ZNF19: variants seen among roughly 807,000 people sequenced by gnomAD.
ZNF19 encodes the protein zinc finger protein 19, also known as zinc finger protein 19 (KOX 12).
Under a neutral mutation model 13.1 loss-of-function variants are expected in ZNF19, and 11 were observed. That is an observed-to-expected ratio of 0.84 (90% CI 0.53 to 1.39). The LOEUF (loss-of-function observed/expected upper bound fraction) is 1.39. Among genes scored for constraint, ZNF19 ranks in the 40% most tolerant of loss-of-function variants. The probability of loss-of-function intolerance (pLI) is 0.00; values close to 1 mark genes in which losing one functional copy is unlikely to be tolerated. For synonymous variants in ZNF19, 186 were observed against 187.0 expected (o/e 0.99, Z 0.04); for missense variants, 560 against 547.0 (o/e 1.02, Z -0.24).
chr16:71,484,023 C>G (rs1020957632), intron 2 of ZNF19, among the ~76,000 whole-genome samples: 4 of 152,248 alleles, frequency 2.6e-5, no homozygotes, highest in Non-Finnish European at 4.4e-5. Flanking sequence ...GGATCAAGAA[C>G]ACTGTAGTAG....
At position 71,475,343 on chromosome 16, in the gene ZNF19, G is replaced by C; in HGVS notation, c.1204C>G (p.Gln402Glu). The change falls in exon 6 of 6, where the codon CAG becomes GAG. Residue 402 changes from glutamine to glutamate, a missense_variant. Gln to Glu is a conservative substitution (Grantham distance 29). Coordinates refer to ENST00000288177, the MANE Select transcript of ZNF19 (RefSeq NM_006961.4). ...TCTCCAGTATGGATTCTTTGATGCT[G>C]ATGAAGATTTCTTTTGCTAGTCAAG... The part of the protein sequence containing the change: ...KALTSKRNLH[Q>E]HQRIHTGEKP... 1 of 1,614,034 alleles carries C rather than the reference G, an allele frequency of 6.2e-7. No homozygotes were observed. The highest frequency in any genetic ancestry group is 8.5e-7 in the Non-Finnish European group (1 of 1,180,006).
intron 2 of ZNF19, among the ~76,000 whole-genome samples, chr16:71,482,863 G>A (rs2043646409): frequency 6.6e-6 from 1 of 152,152 alleles, no homozygotes; most frequent in Non-Finnish European, 1.5e-5. Flanking sequence ...CACCACACCT[G>A]GCTCATTTTT....
At chr16:71,477,592 C>A (rs1402594185) in intron 5 of ZNF19, among the ~76,000 whole-genome samples, 1 of 152,030 alleles carries the variant, frequency 6.6e-6, no homozygotes, top group Non-Finnish European at 1.5e-5. Context: ...TCGTTTCAAC[C>A]CAGCTGTGTT....
At chr16:71,481,016 G>A (rs1001914480) in intron 3 of ZNF19, among the ~76,000 whole-genome samples, 1 of 152,214 alleles carries the variant, frequency 6.6e-6, no homozygotes, top group South Asian at 2.1e-4. Context: ...TCCAGAGAAG[G>A]AACAACAAAC....
At position 71,475,550 on chromosome 16, in the gene ZNF19, C is replaced by T; in HGVS notation, c.997G>A (p.Val333Ile). Residue 333 changes from valine (V) to isoleucine (I), a missense_variant, in exon 6 of 6, where the codon GTA becomes ATA. By Grantham distance (29) the Val-to-Ile change is conservative (BLOSUM62 3). Transcript: ENST00000288177. ...TGAAAATTGAAGGCTTGTCCACATA[C>T]TTTACAAGAATAAGGCTTTTCCCCT... Reference protein sequence around the residue: ...HTGEKPYSCKVCGQAFNFHTK... With the variant: ...HTGEKPYSCKICGQAFNFHTK... 2 of 1,614,098 alleles carry T rather than the reference C, an allele frequency of 1.2e-6. No homozygotes were observed. The highest frequency in any genetic ancestry group is 2.2e-5 in the South Asian group (2 of 91,080).
rs1365710347 is a variant in ZNF19, at chr16:71,474,792, G to C, written c.*378C>G. On this transcript the variant is annotated 3_prime_UTR_variant, in exon 6 of 6. Transcript: ENST00000288177. ...CAAACAAAAATGGAATTTATTGGCT[G>C]CTGCAATTCAAAAACCCGTATATAT... 5.8e-6 allele frequency: 1 copy of C among 171,352 alleles called. No individual in the cohort carries two copies. The highest frequency in any genetic ancestry group is 1.7e-4 in the East Asian group (1 of 6,000). The allele number at this position is 171,352 out of a possible 1,614,324, so 10.6% of individuals were successfully genotyped here. A position where few individuals can be genotyped will look rare whatever the true frequency, so the allele number is the denominator to read the frequency against.
chr16:71,475,369 G>T lies in ZNF19; in HGVS notation c.1178C>A (p.Ala393Asp). ...ATGAAGATTTCTTTTGCTAGTCAAG[G>T]CTTTTCCACACTCATCACATACATA... is the stretch of plus-strand genomic sequence containing the variant. Reference protein sequence around the residue: ...SSYVCDECGKALTSKRNLHQH... With the variant: ...SSYVCDECGKDLTSKRNLHQH... Residue 393 changes from alanine to aspartate, a missense_variant, in exon 6 of 6, where the codon GCC (alanine) becomes GAC (aspartate). Physicochemically the swap from Ala to Asp is moderately radical, Grantham distance 126. Coordinates refer to ENST00000288177, the MANE Select transcript of ZNF19 (RefSeq NM_006961.4). 6.2e-7 allele frequency: 1 copy of T among 1,613,980 alleles called. No individual in the cohort carries two copies. The highest frequency in any genetic ancestry group is 8.5e-7 in the Non-Finnish European group (1 of 1,180,002).
intron 1 of ZNF19, among the ~76,000 whole-genome samples, chr16:71,485,395 A>C (rs1349647492): frequency 6.6e-6 from 1 of 151,088 alleles, no homozygotes; most frequent in African/African-American, 2.4e-5. Flanking sequence ...GGTTGCAGTG[A>C]GCCGAGATTG....
At chr16:71,479,663 TTGC>T (rs146433097) in intron 3 of ZNF19, among the ~76,000 whole-genome samples, 1 of 152,330 alleles carries the variant, frequency 6.6e-6, no homozygotes, top group East Asian at 1.9e-4. Context: ...TAGAATTAAA[TTGC>T]TGCTGCTGGG....
rs536949788 is a variant in ZNF19 at position 71,485,466 on chromosome 16, C to A, written c.-189-718G>T. The stretch of plus-strand genomic sequence containing the variant: ...ACTCCATCTCAAAAAAAAAAAAAAC[C>A]AAAAAAACAAAAAAAAACAAAAAGA... On this transcript the variant is annotated intron_variant, in intron 1 of 5. Coordinates refer to ENST00000288177, the MANE Select transcript of ZNF19 (RefSeq NM_006961.4). 1.5e-3 allele frequency among the ~76,000 whole-genome samples: 204 copies of A among 136,224 alleles called. 3 individuals carry two copies. The South Asian group carries it at 0.038, about 25-fold the overall frequency. 89.4% of individuals were successfully genotyped at this position (136,224 alleles called of 152,430 possible).
At chr16:71,476,970 G>A (rs972917632) in intron 5 of ZNF19, among the ~76,000 whole-genome samples, 4 of 152,170 alleles carry the variant, frequency 2.6e-5, no homozygotes, top group African/African-American at 9.7e-5. Flanking sequence ...GAAAAGGGAT[G>A]AACAGTTTAC....
intron 1 of ZNF19, among the ~76,000 whole-genome samples, chr16:71,488,020 A>G (rs1211139257): frequency 6.6e-6 from 1 of 152,200 alleles, no homozygotes; most frequent in Non-Finnish European, 1.5e-5. Flanking sequence ...CTACTATTTA[A>G]CATCATATTG....
chr16:71,474,645 C>A lies in ZNF19; in HGVS notation c.*525G>T, dbSNP rs2043587490. ...CATATATCATACACACAAAACATTTCTCCATCAGGTATGTTATCCCTGAAA... is the reference window on the plus strand; with the variant it reads ...CATATATCATACACACAAAACATTTATCCATCAGGTATGTTATCCCTGAAA... On this transcript the variant is annotated 3_prime_UTR_variant, in exon 6 of 6. Coordinates refer to ENST00000288177, the MANE Select transcript of ZNF19 (RefSeq NM_006961.4). 6.4e-6 allele frequency: 1 copy of A among 156,844 alleles called. No homozygotes were observed. Among genetic ancestry groups the A allele is most frequent in the Admixed American group, 6.2e-5 (1 of 16,196 alleles). 9.7% of individuals were successfully genotyped at this position (156,844 alleles called of 1,614,324 possible).
In ZNF19 at chr16:71,476,026, G is replaced by A. The variant is rs962014957; in HGVS notation, c.521C>T (p.Ser174Phe). The change falls in exon 6 of 6, where the codon TCT becomes TTT. Residue 174 changes from serine to phenylalanine, a missense_variant. Physicochemically the swap from Ser to Phe is radical, Grantham distance 155. Transcript: ENST00000288177. ...EECGKSFSYF[S>F]YYARHQRIHT... ...GATTCTCTGGTGTCTAGCATAGTAA[G>A]AAAAGTAGCTGAAGGATTTCCCACA... 1 of 1,614,160 alleles carries A rather than the reference G, an allele frequency of 6.2e-7. No individual in the cohort carries two copies.
chr16:71,485,722 C>CA (rs1011859930), intron 1 of ZNF19, among the ~76,000 whole-genome samples: 8 of 151,506 alleles, frequency 5.3e-5, no homozygotes, highest in African/African-American at 1.7e-4. Context: ...AAATACTGAA[C>CA]ACACACACAC....
At chr16:71,488,263 G>A (rs1243328219) in intron 1 of ZNF19, among the ~76,000 whole-genome samples, 1 of 151,102 alleles carries the variant, frequency 6.6e-6, no homozygotes, top group Non-Finnish European at 1.5e-5. Flanking sequence ...AGGAGGCTGA[G>A]ACATGAGAAT....
At position 71,475,134 on chromosome 16, in the gene ZNF19, CGG is replaced by C; in HGVS notation, c.*34_*35del. 6.6e-7 allele frequency: 1 copy of C among 1,519,978 alleles called. No homozygotes were observed. The highest frequency in any genetic ancestry group is 8.8e-7 in the Non-Finnish European group (1 of 1,131,932). The allele number at this position is 1,519,978 out of a possible 1,614,324, so 94.2% of individuals were successfully genotyped here. A position where few individuals can be genotyped will look rare whatever the true frequency, so the allele number is the denominator to read the frequency against. ...ACACATTCCATTCCTGAGTAGAAGA[CGG>C]AATCCACTCAGTACATTTCACTGGA... is the stretch of plus-strand genomic sequence containing the variant. On this transcript the variant is annotated 3_prime_UTR_variant, in exon 6 of 6. Coordinates refer to ENST00000288177, the MANE Select transcript of ZNF19 (RefSeq NM_006961.4).
At chr16:71,479,122 A>C (rs941396142) in intron 3 of ZNF19, 117 bp from the exon 4 acceptor site, 13 of 1,431,976 alleles carry the variant, frequency 9.1e-6, no homozygotes, top group Non-Finnish European at 1.3e-5. Flanking sequence ...AGGTAATGAG[A>C]AAATGTGACA....
chr16:71,478,187 T>C (rs2043614066), intron 5 of ZNF19, 41 bp downstream of exon 5: 1 of 1,408,562 alleles, frequency 7.1e-7, no homozygotes, highest in African/African-American at 1.4e-5. Context: ...CAGTGCTCCA[T>C]AAAACGCTAC....
Sources: allele counts gnomAD v4.1 joint callset (sites outside exome capture counted in the v4.1 genomes callset), GRCh38; gene constraint gnomAD v4.1.1; transcripts MANE v1.5; gene names NCBI Gene and HGNC (gene_info 2026-07-23, HGNC 2026-07-21).